Variants in MGST1 observed in about 807,000 individuals in gnomAD.
The protein encoded by MGST1 is glutathione S-transferase 12.
Under a neutral mutation model 8.9 loss-of-function variants are expected in MGST1, and 5 were observed. The observed-to-expected ratio is 0.56, with a 90% CI of 0.29 to 1.19. The LOEUF is 1.19. Among genes scored for constraint, MGST1 ranks in the 50% most tolerant of loss-of-function variants. The probability of loss-of-function intolerance (pLI) is 0.08; values close to 1 mark genes in which losing one functional copy is unlikely to be tolerated. For missense variants in MGST1, 182 were observed against 187.4 expected (o/e 0.97, Z 0.17); for synonymous variants, 54 against 67.8 (o/e 0.80, Z 1.00).
rs574726906 is a variant in MGST1 at position 16,559,634 on chromosome 12, G to C, written n.483-29894G>C. Among the ~76,000 whole-genome samples the C allele has an allele frequency of 2.0e-5, 3 of 152,194 alleles. No individual in the cohort carries two copies. The South Asian group carries it at 6.2e-4, about 32-fold the overall frequency. On this transcript the variant is annotated intron_variant and non_coding_transcript_variant, in intron 4 of 4. Coordinates refer to the MGST1 transcript ENST00000538857. This position sits in a 1 kb window ranked among gnomAD's most constrained non-coding sequence, Gnocchi z 4.1. ...TGAAGTAACTGCAAAAGTACATATA[G>C]GACAGGGTTAAAATTTAAGGTAAAC...
chr12:16,453,757 C>T (rs1941148225), intron 4 of MGST1, among the ~76,000 whole-genome samples: 1 of 151,732 alleles, frequency 6.6e-6, no homozygotes, highest in African/African-American at 2.4e-5. Flanking sequence ...AGAAGCTTAC[C>T]CTCATCTCTG....
intron 4 of MGST1, among the ~76,000 whole-genome samples, chr12:16,455,432 G>A (rs1480655345): frequency 6.6e-6 from 1 of 151,666 alleles, no homozygotes; most frequent in Non-Finnish European, 1.5e-5. Flanking sequence ...TTATAAGAAG[G>A]AATTTAGTTC....
At chr12:16,405,391 T>C (rs1452099596) in intron 1 of MGST1, among the ~76,000 whole-genome samples, 1 of 151,826 alleles carries the variant, frequency 6.6e-6, no homozygotes, top group Admixed American at 6.6e-5. Context: ...TCTTAACAGA[T>C]AATAATGAGC....
At chr12:16,367,888 C>A (rs1230636878), downstream of MGST1, among the ~76,000 whole-genome samples, 3 of 124,210 alleles carry the variant, frequency 2.4e-5, no homozygotes, top group African/African-American at 1.3e-4. Context: ...TAGGTATAGT[C>A]AATGCTTATC....
intron 4 of MGST1, among the ~76,000 whole-genome samples, chr12:16,452,620 A>G (rs533268757): frequency 6.6e-6 from 1 of 152,012 alleles, no homozygotes; most frequent in East Asian, 1.9e-4. Flanking sequence ...GACAGTATTT[A>G]TCCCATCAAT....
Position 16,354,687 on chromosome 12 carries a change from C to T in MGST1, c.126+309C>T, listed in dbSNP as rs886940975. The T allele has an allele frequency of 3.8e-5, 7 of 182,612 alleles. No individual in the cohort carries two copies. In the South Asian group the frequency reaches 4.6e-4, roughly 12 times the overall value. 11.3% of individuals were successfully genotyped at this position (182,612 alleles called of 1,614,324 possible). On this transcript the variant is annotated intron_variant, in intron 2 of 3. Transcript: ENST00000396210. ...TCTTTCATTTTGGAATTAATTTTGC[C>T]AATGAGGGTTTAGAAAACAATCATT...
exon 2 of MGST1, chr12:16,438,072 T>C (rs974380001): frequency 4.6e-5 from 7 of 151,994 alleles, no homozygotes; most frequent in Non-Finnish European, 1.5e-5. Context: ...AGTGCAGTGC[T>C]CCACAGCTTG....
chr12:16,521,921 C>A (rs1194457204), intron 4 of MGST1, among the ~76,000 whole-genome samples: 1 of 148,158 alleles, frequency 6.7e-6, no homozygotes, highest in African/African-American at 2.5e-5. Context: ...TTGAACTGAT[C>A]TATCCTGAAG....
Position 16,560,784 on chromosome 12 carries a change from A to C in MGST1, n.483-28744A>C, listed in dbSNP as rs765873936. On this transcript the variant is annotated intron_variant and non_coding_transcript_variant, in intron 4 of 4. Transcript: ENST00000538857. The surrounding 1 kb of genome is among the most constrained non-coding windows in gnomAD (Gnocchi z 5.0). ...AAAAGACAAATACATTAGGAAGCTT[A>C]CGTAACTGCACATAAACAGAAGTCA... 3.9e-6 allele frequency: 2 copies of C among 518,642 alleles called. No homozygotes were observed. Among genetic ancestry groups the C allele is most frequent in the Non-Finnish European group, 7.2e-6 (2 of 278,952 alleles). 32.1% of individuals were successfully genotyped at this position (518,642 alleles called of 1,614,324 possible).
chr12:16,430,850 C>G (rs1565453265), intron 1 of MGST1, among the ~76,000 whole-genome samples: 1 of 152,178 alleles, frequency 6.6e-6, no homozygotes, highest in Non-Finnish European at 1.5e-5. Context: ...TCCTTTGAAG[C>G]TTTCAAGCCA....
chr12:16,573,818 CGT>C (rs1942906377), intron 4 of MGST1: 2 of 152,260 alleles, frequency 1.3e-5, no homozygotes, highest in Middle Eastern at 6.8e-3. Context: ...TGCTTTACCA[CGT>C]TAAGTGTCGA....
intron 3 of MGST1, chr12:16,360,382 C>T (rs1347462916): frequency 3.0e-6 from 3 of 984,710 alleles, no homozygotes; most frequent in Non-Finnish European, 2.4e-6. Context: ...TATGCTTTAC[C>T]GTGTGCAACA....
At chr12:16,575,602 T>C (rs952267608) in intron 4 of MGST1, among the ~76,000 whole-genome samples, 1 of 152,126 alleles carries the variant, frequency 6.6e-6, no homozygotes, top group African/African-American at 2.4e-5. Flanking sequence ...ATCCATTTTA[T>C]GGATGAGGAA....
downstream of MGST1, among the ~76,000 whole-genome samples, chr12:16,378,165 T>C (rs1425790826): frequency 6.6e-6 from 1 of 152,158 alleles, no homozygotes; most frequent in Non-Finnish European, 1.5e-5. Flanking sequence ...ATCCCATTTG[T>C]CAATTTTGGC....
chr12:16,355,782 T>G (rs1459849760), intron 2 of MGST1, among the ~76,000 whole-genome samples: 1 of 152,230 alleles, frequency 6.6e-6, no homozygotes, highest in African/African-American at 2.4e-5. Context: ...AAATGAGGAT[T>G]CATCTTTCCA....
At chr12:16,435,291 C>T (rs976411699) in intron 1 of MGST1, among the ~76,000 whole-genome samples, 4 of 151,820 alleles carry the variant, frequency 2.6e-5, no homozygotes, top group Non-Finnish European at 4.4e-5. Context: ...CCCAGGTACA[C>T]TAATGAATTA....
At chr12:16,583,560 C>T (rs745641580) in intron 4 of MGST1, among the ~76,000 whole-genome samples, 1 of 152,048 alleles carries the variant, frequency 6.6e-6, no homozygotes, top group Non-Finnish European at 1.5e-5. Context: ...AGACCTCATT[C>T]CCATAGATGG....
At chr12:16,569,014 T>A (rs956260748) in intron 4 of MGST1, among the ~76,000 whole-genome samples, 1 of 152,214 alleles carries the variant, frequency 6.6e-6, no homozygotes, top group Non-Finnish European at 1.5e-5. Context: ...TCTCATAATC[T>A]GAAATAGATG....
At chr12:16,379,587 A>G (rs2137037845), downstream of MGST1, among the ~76,000 whole-genome samples, 1 of 152,268 alleles carries the variant, frequency 6.6e-6, no homozygotes, top group East Asian at 1.9e-4. Context: ...ATGTTCACCA[A>G]GGATACTGGT....
Sources: gnomAD v4.1 joint callset for allele counts (sites outside exome capture counted in the v4.1 genomes callset) on GRCh38, gnomAD v4.1.1 for gene constraint, Gnocchi (gnomAD v3.1) non-coding constraint, MANE v1.5 for transcripts, NCBI Gene and HGNC (gene_info 2026-07-23, HGNC 2026-07-21) for gene names.